Variants in GPR153 observed in about 807,000 individuals in gnomAD.
The protein encoded by GPR153 is G protein-coupled receptor 153, also known as probable G protein-coupled receptor 153.
A neutral mutation model predicts 34.1 loss-of-function variants in GPR153; 27 were observed. The ratio of observed to expected loss-of-function variants is 0.79; its 90% CI spans 0.58 to 1.09. The LOEUF (loss-of-function observed/expected upper bound fraction) is 1.09, where lower values mean the gene tolerates loss of function less well. Among genes scored for constraint, GPR153 ranks in the 50% least tolerant of loss-of-function variants. The probability of loss-of-function intolerance (pLI) is 0.00; values close to 1 mark genes in which losing one functional copy is unlikely to be tolerated. For missense variants in GPR153, 848 were observed against 860.2 expected (o/e 0.99, Z 0.18); for synonymous variants, 408 against 405.4 (o/e 1.01, Z -0.08).
At position 6,251,937 on chromosome 1, in the gene GPR153, G is replaced by A. The variant is rs1046424888; in HGVS notation, c.787-407C>T. On this transcript the variant is annotated intron_variant, in intron 3 of 5. Coordinates refer to ENST00000377893, the MANE Select transcript of GPR153 (RefSeq NM_207370.4). This position sits in a 1 kb window ranked among gnomAD's most constrained non-coding sequence, Gnocchi z 4.9. ...CGGCCTCCCAAAGTGCTGGGATTAC[G>A]GGTATGAATCACTGTGCCCGGCTGC... Among the ~76,000 whole-genome samples the A allele has an allele frequency of 6.6e-5, 10 of 152,084 alleles. No individual in the cohort carries two copies. Among genetic ancestry groups the A allele is most frequent in the East Asian group, 3.9e-4 (2 of 5,194 alleles).
In GPR153 at chr1:6,247,497, G is replaced by A. The variant is rs543167141; in HGVS notation, c.*1841C>T. On this transcript the variant is annotated 3_prime_UTR_variant, in exon 6 of 6. Transcript: ENST00000377893. ...AGCCCAGGGAACAGGCTGGATGCTG[G>A]ACAAAGTTTGGGAGGGAGCTCCAGG... The A allele has an allele frequency of 6.6e-6, 1 of 152,264 alleles. No homozygotes were observed. Among genetic ancestry groups the A allele is most frequent in the Non-Finnish European group, 1.5e-5 (1 of 68,062 alleles). The allele number at this position is 152,264 out of a possible 1,614,324, so 9.4% of individuals were successfully genotyped here. A position where few individuals can be genotyped will look rare whatever the true frequency, so the allele number is the denominator to read the frequency against.
In GPR153 at chr1:6,254,915, C is replaced by T. The variant is rs747871193; in HGVS notation, c.-10G>A. On this transcript the variant is annotated 5_prime_UTR_variant, in exon 2 of 6. Coordinates refer to ENST00000377893, the MANE Select transcript of GPR153 (RefSeq NM_207370.4). Reference sequence around the variant, plus strand: ...GCCGCTCATCACTCATGGTGCAGACCGGAGCTGGCAGGCGGCTGTGGCATC... The same window carrying T: ...GCCGCTCATCACTCATGGTGCAGACTGGAGCTGGCAGGCGGCTGTGGCATC... The T allele has an allele frequency of 6.7e-5, 102 of 1,523,834 alleles. No individual in the cohort carries two copies. Among genetic ancestry groups the T allele is most frequent in the Non-Finnish European group, 6.6e-5 (75 of 1,135,700 alleles). 94.4% of individuals were successfully genotyped at this position (1,523,834 alleles called of 1,614,324 possible).
At chr1:6,259,873 C>G (rs1275107957) in intron 1 of GPR153, among the ~76,000 whole-genome samples, 1 of 152,166 alleles carries the variant, frequency 6.6e-6, no homozygotes, top group Non-Finnish European at 1.5e-5. Flanking sequence ...GGGCTCCCCA[C>G]AGTGCCGACG....
At chr1:6,255,747 C>A (rs1056519597) in intron 1 of GPR153, among the ~76,000 whole-genome samples, 1 of 143,674 alleles carries the variant, frequency 7.0e-6, no homozygotes, top group Non-Finnish European at 1.5e-5. Context: ...TCACCTCCTG[C>A]GTTCAAGCAA....
Position 6,251,514 on chromosome 1 carries a change from C to A in GPR153, c.803G>T (p.Ser268Ile). 6.2e-7 allele frequency: 1 copy of A among 1,600,728 alleles called. No homozygotes were observed. The highest frequency in any genetic ancestry group is 8.5e-7 in the Non-Finnish European group (1 of 1,174,698). The change falls in exon 4 of 6, where the codon AGC becomes ATC. Residue 268 changes from serine (S) to isoleucine (I), a missense_variant. By Grantham distance (142) the Ser-to-Ile change is moderately radical (BLOSUM62 -2). Transcript: ENST00000377893. This position sits in a 1 kb window ranked among gnomAD's most constrained non-coding sequence, Gnocchi z 4.9. ...GFPVLVVSFSSLRADASAPWM... is the reference protein window; with the variant it reads ...GFPVLVVSFSILRADASAPWM... ...GGGCGCTGAGGCGTCGGCCCGCAGGCTGCTGAAGCTCACCACCTGTGGGCA... is the reference window on the plus strand; with the variant it reads ...GGGCGCTGAGGCGTCGGCCCGCAGGATGCTGAAGCTCACCACCTGTGGGCA...
intron 1 of GPR153, among the ~76,000 whole-genome samples, chr1:6,255,647 T>TG (rs1244614113): frequency 0.013 from 1,509 of 119,108 alleles, 63 homozygotes; most frequent in African/African-American, 0.056. Flanking sequence ...GCTACGTTTT[T>TG]TTTTTTTTTT....
rs1267520192 is a variant in GPR153, at chr1:6,250,483, TAGAGCTGGGGC to T, written c.1110_1120del (p.Gln372ThrfsTer95). Reference sequence around the variant, plus strand: ...GTCCTCCTGCAAGGGCCGCAGTGGGTAGAGCTGGGGCAGGCCCCCCTCCAGGGCGGAGATCT... The same window carrying T: ...GTCCTCCTGCAAGGGCCGCAGTGGGTAGGCCCCCCTCCAGGGCGGAGATCT... On this transcript the variant is annotated frameshift_variant, in exon 5 of 6. Transcript: ENST00000377893. LOFTEE classifies it low-confidence loss of function (END_TRUNC). The T allele has an allele frequency of 1.7e-5, 27 of 1,609,784 alleles. No homozygotes were observed. Among genetic ancestry groups the T allele is most frequent in the Non-Finnish European group, 2.1e-5 (25 of 1,178,590 alleles).
rs1224468820 is a variant in GPR153 at position 6,251,253 on chromosome 1, G to A, written c.979+85C>T. 10 of 1,074,648 alleles carry A rather than the reference G, an allele frequency of 9.3e-6. 1 individual carries two copies. The highest frequency in any genetic ancestry group is 6.1e-5 in the South Asian group (4 of 65,476). 66.6% of individuals were successfully genotyped at this position (1,074,648 alleles called of 1,614,324 possible). A position where few individuals can be genotyped will look rare whatever the true frequency, so the allele number is the denominator to read the frequency against. On this transcript the variant is annotated intron_variant, in intron 4 of 5. Coordinates refer to ENST00000377893, the MANE Select transcript of GPR153 (RefSeq NM_207370.4). The surrounding 1 kb of genome is among the most constrained non-coding windows in gnomAD (Gnocchi z 4.9). Reference sequence around the variant, plus strand: ...AGAATGAAGTCACCTCCTTAGTGGCGTTGCCTGACAGCCGTTTTCCTGCCA... The same window carrying A: ...AGAATGAAGTCACCTCCTTAGTGGCATTGCCTGACAGCCGTTTTCCTGCCA...
At chr1:6,250,266 G>A in intron 5 of GPR153, 174 bp downstream of exon 5, 1 of 985,418 alleles carries the variant, frequency 1.0e-6, no homozygotes, top group Non-Finnish European at 1.2e-6. Flanking sequence ...TGGGGGTGGC[G>A]GTTGGGGCCC....
chr1:6,260,617 A>T (rs1288130176), intron 1 of GPR153, among the ~76,000 whole-genome samples: 1 of 151,596 alleles, frequency 6.6e-6, no homozygotes, highest in Admixed American at 6.5e-5. Context: ...CTAGGCCCCG[A>T]TGCAGGGGGA....
At position 6,251,289 on chromosome 1, in the gene GPR153, C is replaced by T. The variant is rs367796156; in HGVS notation, c.979+49G>A. 9.5e-6 allele frequency: 14 copies of T among 1,480,128 alleles called. No individual in the cohort carries two copies. The highest frequency in any genetic ancestry group is 1.3e-5 in the Non-Finnish European group (14 of 1,088,944). 91.7% of individuals were successfully genotyped at this position (1,480,128 alleles called of 1,614,324 possible). A position where few individuals can be genotyped will look rare whatever the true frequency, so the allele number is the denominator to read the frequency against. On this transcript the variant is annotated intron_variant, in intron 4 of 5. Coordinates refer to ENST00000377893, the MANE Select transcript of GPR153 (RefSeq NM_207370.4). This position sits in a 1 kb window ranked among gnomAD's most constrained non-coding sequence, Gnocchi z 4.9. Reference sequence around the variant, plus strand: ...GCCGTTTTCCTGCCAACCCCAATGACCTAACCTAGACGCCACTCTCCCTGG... The same window carrying T: ...GCCGTTTTCCTGCCAACCCCAATGATCTAACCTAGACGCCACTCTCCCTGG...
At chr1:6,256,387 T>C (rs992001961) in intron 1 of GPR153, among the ~76,000 whole-genome samples, 3 of 151,556 alleles carry the variant, frequency 2.0e-5, no homozygotes, top group African/African-American at 7.3e-5. Context: ...TTTTTTTTTT[T>C]TTAGACAGAG....
Position 6,250,633 on chromosome 1 carries a change from TG to T in GPR153, c.980-10del. 1.1e-4 allele frequency: 8 copies of T among 74,782 alleles called. No homozygotes were observed. Among genetic ancestry groups the T allele is most frequent in the South Asian group, 2.1e-4 (1 of 4,740 alleles). The allele number at this position is 74,782 out of a possible 1,614,324, so 4.6% of individuals were successfully genotyped here. A position where few individuals can be genotyped will look rare whatever the true frequency, so the allele number is the denominator to read the frequency against. On this transcript the variant is annotated splice_polypyrimidine_tract_variant and intron_variant, in intron 4 of 5. Transcript: ENST00000377893. ...ACCTTCCAGGCTGGTCTCTGTAGGG[TG>T]GGGGGTGGGTGGGGGGGCAGAGCCT...
In GPR153 at chr1:6,254,027, A is replaced by G. The variant is rs141085783; in HGVS notation, c.477T>C (p.His159=). ...WHDTSERFYT[H]GCRFIVAEIG... ...TCTCAGCCACGATGAAGCGGCAGCC[A>G]TGGGTGTAGAAGCGCTCGCTGGTGT... The change falls in exon 3 of 6, where the codon CAT becomes CAC. Residue 159 remains histidine (H), a synonymous_variant. Transcript: ENST00000377893. The G allele has an allele frequency of 3.7e-6, 6 of 1,613,440 alleles. No homozygotes were observed. In the African/African-American group the frequency reaches 4.0e-5, roughly 11 times the overall value.
chr1:6,259,066 G>A (rs2100994602), intron 1 of GPR153, among the ~76,000 whole-genome samples: 1 of 152,338 alleles, frequency 6.6e-6, no homozygotes, highest in East Asian at 1.9e-4. Context: ...TTCGAGACCA[G>A]CTTGGGCAAC....
chr1:6,249,323 G>A lies in GPR153; in HGVS notation c.*15C>T. ...GCCTGGCCTGCCTGGCGTCCGTGGGGAGGCGCCGGCGGTCCTAGGACGCGG... is the reference window on the plus strand; with the variant it reads ...GCCTGGCCTGCCTGGCGTCCGTGGGAAGGCGCCGGCGGTCCTAGGACGCGG... On this transcript the variant is annotated 3_prime_UTR_variant, in exon 6 of 6. Transcript: ENST00000377893. This position sits in a 1 kb window ranked among gnomAD's most constrained non-coding sequence, Gnocchi z 4.3. 7.9e-7 allele frequency: 1 copy of A among 1,267,390 alleles called. No homozygotes were observed. 78.5% of individuals were successfully genotyped at this position (1,267,390 alleles called of 1,614,324 possible). A position where few individuals can be genotyped will look rare whatever the true frequency, so the allele number is the denominator to read the frequency against.
chr1:6,260,529 G>A (rs1414079556), intron 1 of GPR153, among the ~76,000 whole-genome samples: 1 of 151,938 alleles, frequency 6.6e-6, no homozygotes. Context: ...CCTCTGGGTT[G>A]CGCCGAGCAG....
In GPR153 at chr1:6,254,892, C is replaced by T. The variant is rs756755487; in HGVS notation, c.14G>A (p.Arg5Gln). The T allele has an allele frequency of 5.2e-5, 81 of 1,569,034 alleles. No homozygotes were observed. The highest frequency in any genetic ancestry group is 6.7e-5 in the Non-Finnish European group (77 of 1,156,548). Residue 5 changes from arginine to glutamine, a missense_variant, in exon 2 of 6, where the codon CGG becomes CAG. Arg to Gln is a conservative substitution (Grantham distance 43). Transcript: ENST00000377893. Reference sequence around the variant, plus strand: ...GCCCACTGCACTGCCAGGCAGCCGCCGCTCATCACTCATGGTGCAGACCGG... The same window carrying T: ...GCCCACTGCACTGCCAGGCAGCCGCTGCTCATCACTCATGGTGCAGACCGG... The part of the protein sequence containing the change: MSDE[R>Q]RLPGSAVGWL...
chr1:6,249,318 G>C lies in GPR153; in HGVS notation c.*20C>G, dbSNP rs1638377122. On this transcript the variant is annotated 3_prime_UTR_variant, in exon 6 of 6. Transcript: ENST00000377893. This position sits in a 1 kb window ranked among gnomAD's most constrained non-coding sequence, Gnocchi z 4.3. ...GAGCGGCCTGGCCTGCCTGGCGTCC[G>C]TGGGGAGGCGCCGGCGGTCCTAGGA... The C allele has an allele frequency of 2.4e-6, 3 of 1,263,422 alleles. No individual in the cohort carries two copies. In the African/African-American group the frequency reaches 4.7e-5, roughly 20 times the overall value. 78.3% of individuals were successfully genotyped at this position (1,263,422 alleles called of 1,614,324 possible).
Sources: allele counts gnomAD v4.1 joint callset (sites outside exome capture counted in the v4.1 genomes callset), GRCh38; gene constraint gnomAD v4.1.1; non-coding constraint Gnocchi (gnomAD v3.1); transcripts MANE v1.5; gene names NCBI Gene and HGNC (gene_info 2026-07-23, HGNC 2026-07-21).